Variants in RELN observed in about 807,000 individuals in gnomAD.
RELN encodes the protein reelin.
Under a neutral mutation model 427.6 loss-of-function variants are expected in RELN, and 108 were observed. The ratio of observed to expected loss-of-function variants is 0.25; its 90% CI spans 0.22 to 0.30. The LOEUF (loss-of-function observed/expected upper bound fraction) is 0.30. Among genes scored for constraint, RELN ranks in the 10% least tolerant of loss-of-function variants. RELN has a pLI of 1.00. For missense variants in RELN, 3,715 were observed against 4,302.8 expected, an observed-to-expected ratio of 0.86 and a Z score of 3.82; for synonymous variants, 1,524 against 1,513.4, an observed-to-expected ratio of 1.01 and a Z score of -0.16.
chr7:103,606,634 A>AT (rs1235344537), intron 22 of RELN, among the ~76,000 whole-genome samples: 8 of 152,068 alleles, frequency 5.3e-5, no homozygotes, highest in South Asian at 2.1e-4. Context: ...TTAATTTGAG[A>AT]TTTTTTTACT....
At chr7:103,877,823 CCTT>C (rs934480973) in intron 2 of RELN, among the ~76,000 whole-genome samples, 43 of 151,346 alleles carry the variant, frequency 2.8e-4, no homozygotes, top group Middle Eastern at 3.4e-3. Flanking sequence ...TCCTCCTCCT[CCTT>C]CTTCTTCTTC....
At chr7:103,908,441 A>G (rs1268621263) in intron 2 of RELN, among the ~76,000 whole-genome samples, 1 of 152,182 alleles carries the variant, frequency 6.6e-6, no homozygotes, top group Non-Finnish European at 1.5e-5. Context: ...AAATGCAGAC[A>G]TGGAGGTAAG....
Position 103,511,018 on chromosome 7 carries a change from A to G in RELN, c.8120-13T>C, listed in dbSNP as rs1829392913. 6.2e-7 allele frequency: 1 copy of G among 1,610,732 alleles called. No individual in the cohort carries two copies. The highest frequency in any genetic ancestry group is 1.3e-5 in the African/African-American group (1 of 74,844). On this transcript the variant is annotated splice_polypyrimidine_tract_variant and intron_variant, in intron 50 of 64. Coordinates refer to ENST00000428762, the MANE Select transcript of RELN (RefSeq NM_005045.4). ...CAGTGCTCATTCACTTAAAACAAAAAAACAAAATTTTATGACAAATTTGTG... is the reference window on the plus strand; with the variant it reads ...CAGTGCTCATTCACTTAAAACAAAAGAACAAAATTTTATGACAAATTTGTG...
chr7:103,858,122 A>G (rs1793988939), intron 2 of RELN, among the ~76,000 whole-genome samples: 1 of 152,152 alleles, frequency 6.6e-6, no homozygotes, highest in Non-Finnish European at 1.5e-5. Flanking sequence ...TACAGGACGC[A>G]GTGTAGTGTA....
At chr7:103,594,617 A>G (rs1831496257) in intron 25 of RELN, 125 bp from the exon 26 acceptor site, 4 of 1,008,316 alleles carry the variant, frequency 4.0e-6, no homozygotes, top group Non-Finnish European at 6.0e-6. Context: ...AATATTTTCC[A>G]AAAGCCCGTA....
At chr7:103,741,596 T>A (rs1281293463) in intron 6 of RELN, among the ~76,000 whole-genome samples, 1 of 141,420 alleles carries the variant, frequency 7.1e-6, no homozygotes, top group East Asian at 2.1e-4. Context: ...TGAGGGGAAG[T>A]AAAAGTGGGA....
chr7:103,611,630 G>A lies in RELN; in HGVS notation c.2876C>T (p.Thr959Ile), dbSNP rs1003803083. The A allele has an allele frequency of 1.9e-6, 3 of 1,613,484 alleles. No homozygotes were observed. The African/African-American group carries it at 4.0e-5, about 22-fold the overall frequency. Reference protein sequence around the residue: ...KLEYSTNHGLTWHLVQEECLP... With the variant: ...KLEYSTNHGLIWHLVQEECLP... Reference sequence around the variant, plus strand: ...ACTTACTTCTTGGACGAGGTGCCAGGTAAGGCCGTGGTTGGTTGAGTACTC... The same window carrying A: ...ACTTACTTCTTGGACGAGGTGCCAGATAAGGCCGTGGTTGGTTGAGTACTC... The change falls in exon 21 of 65, where the codon ACC (threonine) becomes ATC (isoleucine). Residue 959 changes from threonine to isoleucine, a missense_variant. Physicochemically the swap from Thr to Ile is moderately conservative, Grantham distance 89 (BLOSUM62 -1). Coordinates refer to ENST00000428762, the MANE Select transcript of RELN (RefSeq NM_005045.4).
At chr7:103,661,617 T>A in intron 11 of RELN, 90 bp from the exon 12 acceptor site, 1 of 1,128,706 alleles carries the variant, frequency 8.9e-7, no homozygotes, top group Non-Finnish European at 1.3e-6. Flanking sequence ...GAGGGACACT[T>A]ACTTACTTAG....
chr7:103,610,762 T>A lies in RELN; in HGVS notation c.2941A>T (p.Ser981Cys). 6.2e-7 allele frequency: 1 copy of A among 1,612,534 alleles called. No individual in the cohort carries two copies. The highest frequency in any genetic ancestry group is 1.1e-5 in the South Asian group (1 of 91,052). ...MPSCQEFTSASIYHASEFTQW... is the reference protein window; with the variant it reads ...MPSCQEFTSACIYHASEFTQW... ...GTAAACTCACTGGCATGGTAAATAC[T>A]TGCTGATGTAAATTCCTGACAACTT... Residue 981 changes from serine to cysteine, a missense_variant, in exon 22 of 65, where the codon AGT becomes TGT. Physicochemically the swap from Ser to Cys is moderately radical, Grantham distance 112. Coordinates refer to ENST00000428762, the MANE Select transcript of RELN (RefSeq NM_005045.4).
At chr7:103,892,020 C>T (rs996934804) in intron 2 of RELN, among the ~76,000 whole-genome samples, 1 of 152,150 alleles carries the variant, frequency 6.6e-6, no homozygotes, top group African/African-American at 2.4e-5. Flanking sequence ...AGCAACTGTC[C>T]CATCTAGAAC....
intron 3 of RELN, among the ~76,000 whole-genome samples, chr7:103,800,083 G>C (rs976613209): frequency 6.6e-6 from 1 of 152,202 alleles, no homozygotes. Flanking sequence ...GCACAAGACA[G>C]GGATGCCCTC....
At chr7:103,978,189 G>A (rs538760818) in intron 1 of RELN, among the ~76,000 whole-genome samples, 6 of 152,122 alleles carry the variant, frequency 3.9e-5, no homozygotes, top group East Asian at 1.9e-4. Context: ...CTTCCTAACC[G>A]AAATTTTCTA....
intron 49 of RELN, 22 bp from the exon 50 acceptor site, chr7:103,515,463 G>C (rs1829541291): frequency 6.2e-7 from 1 of 1,612,738 alleles, no homozygotes; most frequent in African/African-American, 1.3e-5. Context: ...TGATGGGGAA[G>C]GGTGTGGGGA....
intron 28 of RELN, among the ~76,000 whole-genome samples, chr7:103,584,551 C>T (rs966125954): frequency 1.3e-5 from 2 of 151,942 alleles, no homozygotes; most frequent in Non-Finnish European, 2.9e-5. Context: ...CATGGAACAC[C>T]CACATTCATA....
chr7:103,713,955 C>T (rs1293761076), intron 8 of RELN, among the ~76,000 whole-genome samples: 1 of 152,070 alleles, frequency 6.6e-6, no homozygotes, highest in Admixed American at 6.5e-5. Flanking sequence ...TCTCTTGACC[C>T]ACGGCATCAA....
At chr7:103,951,374 G>A (rs1418166690) in intron 1 of RELN, among the ~76,000 whole-genome samples, 1 of 152,170 alleles carries the variant, frequency 6.6e-6, no homozygotes, top group Non-Finnish European at 1.5e-5. Flanking sequence ...GGAAATAAAT[G>A]TTACTTTAAT....
At chr7:103,839,236 T>A (rs1563043605) in intron 2 of RELN, among the ~76,000 whole-genome samples, 1 of 150,228 alleles carries the variant, frequency 6.7e-6, no homozygotes, top group Non-Finnish European at 1.5e-5. Flanking sequence ...CCTAAAACCA[T>A]CCCAAACATG....
intron 12 of RELN, among the ~76,000 whole-genome samples, chr7:103,659,525 T>C (rs1833092947): frequency 6.6e-6 from 1 of 152,164 alleles, no homozygotes; most frequent in Non-Finnish European, 1.5e-5. Flanking sequence ...TTTTTCATAA[T>C]GGCTTAGCTT....
rs563322186 is a variant in RELN at position 103,974,986 on chromosome 7, TTAAAG to T, written c.226+14140_226+14144del. On this transcript the variant is annotated intron_variant, in intron 1 of 64. Coordinates refer to ENST00000428762, the MANE Select transcript of RELN (RefSeq NM_005045.4). ...CTATTTTGGATATGCTAACATATAGTTAAAGTAAACTCATTCCAACAGACTGCTAT... is the reference window on the plus strand; with the variant it reads ...CTATTTTGGATATGCTAACATATAGTTAAACTCATTCCAACAGACTGCTAT... 4.7e-3 allele frequency among the ~76,000 whole-genome samples: 712 copies of T among 152,344 alleles called. 4 individuals carry two copies. The highest frequency in any genetic ancestry group is 0.017 in the African/African-American group (689 of 41,584).
Sources: allele counts gnomAD v4.1 joint callset (sites outside exome capture counted in the v4.1 genomes callset), GRCh38; gene constraint gnomAD v4.1.1; transcripts MANE v1.5; gene names NCBI Gene and HGNC (gene_info 2026-07-23, HGNC 2026-07-21).